Variants in PPP2R2B observed in about 807,000 individuals in gnomAD.
PPP2R2B encodes protein phosphatase 2 regulatory subunit Bbeta, also known as serine/threonine-protein phosphatase 2A 55 kDa regulatory subunit B beta isoform.
In PPP2R2B, 5 loss-of-function variants were observed where a neutral mutation model predicts 46.0. That is an observed-to-expected ratio of 0.11 (90% CI 0.06 to 0.23). The LOEUF is 0.23. PPP2R2B is among the 10% of genes least tolerant of loss of function. The pLI is 1.00. For missense variants in PPP2R2B, 367 were observed against 575.0 expected (o/e 0.64, Z 3.70); for synonymous variants, 215 against 206.7 (o/e 1.04, Z -0.34).
intron 2 of PPP2R2B, among the ~76,000 whole-genome samples, chr5:146,837,969 T>C (rs1475382503): frequency 6.6e-6 from 1 of 152,166 alleles, no homozygotes. Flanking sequence ...CACCATGACC[T>C]ACATGGCAGT....
chr5:146,692,784 TC>T (rs1444130930), intron 4 of PPP2R2B, among the ~76,000 whole-genome samples: 16 of 152,198 alleles, frequency 1.1e-4, no homozygotes, highest in African/African-American at 3.4e-4. Flanking sequence ...TCCGCCTGCC[TC>T]GGTCTCCCAA....
At chr5:146,932,726 T>G (rs1240335572) in intron 1 of PPP2R2B, among the ~76,000 whole-genome samples, 1 of 152,212 alleles carries the variant, frequency 6.6e-6, no homozygotes, top group African/African-American at 2.4e-5. Flanking sequence ...AAGACTCTAG[T>G]GGCCCAGGTG....
intron 8 of PPP2R2B, among the ~76,000 whole-genome samples, chr5:146,594,789 G>A (rs1771001598): frequency 6.6e-6 from 1 of 152,220 alleles, no homozygotes; most frequent in African/African-American, 2.4e-5. Flanking sequence ...GACAGGAGCT[G>A]TGATAATGAA....
At chr5:147,062,497 AT>A (rs374522170) in intron 2 of PPP2R2B, among the ~76,000 whole-genome samples, 1 of 152,256 alleles carries the variant, frequency 6.6e-6, no homozygotes, top group African/African-American at 2.4e-5. Context: ...TAAAATACAT[AT>A]CATTATTTTA....
At chr5:147,079,294 A>G (rs745832903) in intron 2 of PPP2R2B, among the ~76,000 whole-genome samples, 109 of 150,776 alleles carry the variant, frequency 7.2e-4, no homozygotes, top group Non-Finnish European at 1.4e-3. Context: ...AGCTCTAGTC[A>G]CAATAGGCAA....
chr5:146,732,604 A>G (rs1752299031), intron 2 of PPP2R2B, among the ~76,000 whole-genome samples: 2 of 152,260 alleles, frequency 1.3e-5, no homozygotes, highest in South Asian at 4.1e-4. Flanking sequence ...TTTTTACCAC[A>G]AACAATAACA....
At chr5:146,988,387 A>G (rs537416429) in intron 1 of PPP2R2B, among the ~76,000 whole-genome samples, 1 of 152,112 alleles carries the variant, frequency 6.6e-6, no homozygotes, top group African/African-American at 2.4e-5. Context: ...AGTCTTCACA[A>G]ATGTTACAAA....
intron 5 of PPP2R2B, among the ~76,000 whole-genome samples, chr5:146,687,162 C>G (rs1303069444): frequency 1.3e-5 from 2 of 152,010 alleles, no homozygotes; most frequent in Non-Finnish European, 1.5e-5. Flanking sequence ...AATAATGGCA[C>G]TAATTATTAA....
chr5:147,080,978 A>C (rs1188309201), intron 2 of PPP2R2B: 4 of 1,339,376 alleles, frequency 3.0e-6, no homozygotes, highest in South Asian at 2.6e-5. Flanking sequence ...GATTCATGAA[A>C]GTAAAGATGA....
At chr5:146,948,600 A>T (rs1480117434) in intron 1 of PPP2R2B, among the ~76,000 whole-genome samples, 1 of 152,080 alleles carries the variant, frequency 6.6e-6, no homozygotes, top group African/African-American at 2.4e-5. Flanking sequence ...GAAATAACTT[A>T]ATCTTTATAA....
chr5:147,010,341 G>C (rs1420799412), intron 1 of PPP2R2B, among the ~76,000 whole-genome samples: 1 of 152,132 alleles, frequency 6.6e-6, no homozygotes, highest in Non-Finnish European at 1.5e-5. Flanking sequence ...TGGTTCAAGT[G>C]CATTACATTT....
chr5:146,963,481 C>G (rs750912574), intron 1 of PPP2R2B, among the ~76,000 whole-genome samples: 8 of 152,212 alleles, frequency 5.3e-5, no homozygotes, highest in Non-Finnish European at 1.2e-4. Flanking sequence ...GTCCTCCACT[C>G]ACACTTGGAA....
chr5:146,742,280 G>C (rs1274832635), intron 2 of PPP2R2B, among the ~76,000 whole-genome samples: 1 of 151,926 alleles, frequency 6.6e-6, no homozygotes, highest in Non-Finnish European at 1.5e-5. Flanking sequence ...CTGATGCAGG[G>C]GACTCCACAC....
chr5:146,667,455 T>C (rs1383573517), intron 5 of PPP2R2B, among the ~76,000 whole-genome samples: 33 of 149,948 alleles, frequency 2.2e-4, no homozygotes, highest in Admixed American at 2.2e-3. Context: ...CTCTATAGAA[T>C]AAAAAGATGC....
chr5:146,674,036 C>T (rs1287237346), intron 5 of PPP2R2B, among the ~76,000 whole-genome samples: 1 of 152,142 alleles, frequency 6.6e-6, no homozygotes. Context: ...CTTATCTGTC[C>T]TTTTATAAAT....
chr5:146,830,461 TG>T lies in PPP2R2B; in HGVS notation c.70+47540del, dbSNP rs200625079. Among the ~76,000 whole-genome samples the T allele has an allele frequency of 7.3e-3, 1,112 of 152,128 alleles. 14 individuals carry two copies. The highest frequency in any genetic ancestry group is 0.026 in the African/African-American group (1,059 of 41,510). ...ACCTTAAATGTTACCTCACTCTTCCTGCATCTTGGTTAGCCACCTGCATGTA... is the reference window on the plus strand; with the variant it reads ...ACCTTAAATGTTACCTCACTCTTCCTCATCTTGGTTAGCCACCTGCATGTA... On this transcript the variant is annotated intron_variant, in intron 2 of 9. Transcript: ENST00000394411.
chr5:147,036,682 A>G (rs12523317), intron 1 of PPP2R2B, among the ~76,000 whole-genome samples: 108,837 of 152,010 alleles, frequency 0.72, 39,475 homozygotes, highest in South Asian at 0.8. Flanking sequence ...AATCTCTTGT[A>G]TTTTTGACTT....
At chr5:146,985,236 G>A (rs940493295) in intron 1 of PPP2R2B, among the ~76,000 whole-genome samples, 1 of 151,878 alleles carries the variant, frequency 6.6e-6, no homozygotes, top group African/African-American at 2.4e-5. Flanking sequence ...GGCCAGGCTG[G>A]TCTCGAACTC....
At chr5:146,881,207 T>C (rs879762293), upstream of PPP2R2B, among the ~76,000 whole-genome samples, 16 of 152,172 alleles carry the variant, frequency 1.1e-4, no homozygotes, top group Non-Finnish European at 2.1e-4. Context: ...TCTTTGCCAC[T>C]TCCTCATGTC....
Sources: allele counts gnomAD v4.1 joint callset (sites outside exome capture counted in the v4.1 genomes callset), GRCh38; gene constraint gnomAD v4.1.1; transcripts MANE v1.5; gene names NCBI Gene and HGNC (gene_info 2026-07-23, HGNC 2026-07-21).